Variants in SPMIP2 observed in about 807,000 individuals in gnomAD.
SPMIP2 encodes protein SPMIP2.
chr4:158,996,794 G>A, the SPMIP2 span, among the ~76,000 whole-genome samples: 1 of 152,194 alleles, frequency 6.6e-6, no homozygotes, highest in African/African-American at 2.4e-5. Flanking sequence ...TTAATCAGCA[G>A]GGAAGCCCTT....
chr4:158,970,888 G>A, the SPMIP2 span, among the ~76,000 whole-genome samples: 4 of 152,240 alleles, frequency 2.6e-5, no homozygotes, highest in South Asian at 2.1e-4. Flanking sequence ...GTTTCTGAGC[G>A]TGCCACAGCT....
At chr4:158,969,580 G>C in the SPMIP2 span, among the ~76,000 whole-genome samples, 8 of 152,292 alleles carry the variant, frequency 5.3e-5, no homozygotes, top group South Asian at 1.0e-3. Flanking sequence ...CAACGTGGGG[G>C]AAGATTTTCA....
chr4:159,071,037 T>C, the SPMIP2 span, among the ~76,000 whole-genome samples: 1 of 152,210 alleles, frequency 6.6e-6, no homozygotes, highest in Admixed American at 6.5e-5. Flanking sequence ...TGTTGCCCTG[T>C]GGATTGGTTC....
chr4:159,070,045 A>G, the SPMIP2 span, among the ~76,000 whole-genome samples: 1 of 151,286 alleles, frequency 6.6e-6, no homozygotes. Context: ...GAGGTGGTAC[A>G]CTTTTTTTTT....
the SPMIP2 span, among the ~76,000 whole-genome samples, chr4:159,046,481 C>G: frequency 6.6e-6 from 1 of 152,172 alleles, no homozygotes. Flanking sequence ...CTCAGCAGCA[C>G]TGGGAGTATT....
the SPMIP2 span, among the ~76,000 whole-genome samples, chr4:159,009,848 C>A: frequency 6.6e-6 from 1 of 152,014 alleles, no homozygotes; most frequent in Non-Finnish European, 1.5e-5. Context: ...TAGCCCGACA[C>A]AGTGGTGTAC....
At chr4:159,032,621 AC>A in the SPMIP2 span, among the ~76,000 whole-genome samples, 1 of 152,158 alleles carries the variant, frequency 6.6e-6, no homozygotes, top group Non-Finnish European at 1.5e-5. Context: ...AGAAAACCCA[AC>A]CCAAACTGGC....
At chr4:158,953,458 G>A in the SPMIP2 span, among the ~76,000 whole-genome samples, 1 of 152,218 alleles carries the variant, frequency 6.6e-6, no homozygotes, top group African/African-American at 2.4e-5. Flanking sequence ...AAACTCCCAG[G>A]CAGAAGTTTT....
At chr4:159,020,103 G>C in the SPMIP2 span, among the ~76,000 whole-genome samples, 2 of 150,974 alleles carry the variant, frequency 1.3e-5, no homozygotes, top group Non-Finnish European at 2.9e-5. Context: ...CTGGGCAACA[G>C]AGCCAGACTC....
the SPMIP2 span, among the ~76,000 whole-genome samples, chr4:158,992,975 T>A: frequency 6.6e-6 from 1 of 152,140 alleles, no homozygotes; most frequent in Non-Finnish European, 1.5e-5. Context: ...AAGCTCTTAG[T>A]TTTAGAAGGT....
the SPMIP2 span, among the ~76,000 whole-genome samples, chr4:159,014,169 C>T: frequency 6.6e-6 from 1 of 152,056 alleles, no homozygotes; most frequent in Non-Finnish European, 1.5e-5. Flanking sequence ...AATATGCAGC[C>T]CAGGGCCAGG....
At chr4:158,939,474 T>A in the SPMIP2 span, among the ~76,000 whole-genome samples, 1 of 152,194 alleles carries the variant, frequency 6.6e-6, no homozygotes, top group East Asian at 1.9e-4. Context: ...TTAACATACA[T>A]TTCTCCTAAA....
the SPMIP2 span, among the ~76,000 whole-genome samples, chr4:159,035,639 C>T: frequency 6.6e-6 from 1 of 152,152 alleles, no homozygotes; most frequent in Admixed American, 6.5e-5. Context: ...GTCTCATATT[C>T]CAATCCCTCC....
chr4:158,984,412 C>A, the SPMIP2 span, among the ~76,000 whole-genome samples: 12 of 150,056 alleles, frequency 8.0e-5, no homozygotes, highest in African/African-American at 2.7e-4. Context: ...TGTAAAAGAA[C>A]AGAAATTATA....
At chr4:158,979,789 G>GTTTTTTTTTTTTTT in the SPMIP2 span, among the ~76,000 whole-genome samples, 4 of 104,512 alleles carry the variant, frequency 3.8e-5, no homozygotes, top group African/African-American at 1.7e-4. Context: ...AGTTGCAAGA[G>GTTTTTTTTTTTTTT]TTTTTTTTTT....
chr4:159,057,680 T>C, the SPMIP2 span, among the ~76,000 whole-genome samples: 1 of 152,190 alleles, frequency 6.6e-6, no homozygotes, highest in Non-Finnish European at 1.5e-5. Context: ...ATAAATGGCA[T>C]GTTTACCAAA....
the SPMIP2 span, among the ~76,000 whole-genome samples, chr4:159,001,302 A>G: frequency 9.4e-4 from 143 of 152,144 alleles, no homozygotes; most frequent in African/African-American, 3.4e-3. Context: ...AAAGTGTTCA[A>G]ATCTTTTGCC....
At chr4:158,960,716 A>T in the SPMIP2 span, among the ~76,000 whole-genome samples, 9 of 152,236 alleles carry the variant, frequency 5.9e-5, no homozygotes, top group Non-Finnish European at 1.0e-4. Context: ...TTTTCACTTT[A>T]CTTTCTCCTT....
the SPMIP2 span, among the ~76,000 whole-genome samples, chr4:159,020,761 T>C: frequency 1.3e-5 from 2 of 152,088 alleles, no homozygotes; most frequent in East Asian, 1.9e-4. Flanking sequence ...TTGTCGTTGT[T>C]GTTGTTGTTT....
Sources: gnomAD v4.1 joint callset for allele counts (sites outside exome capture counted in the v4.1 genomes callset) on GRCh38, gnomAD v4.1.1 for gene constraint, MANE v1.5 for transcripts, NCBI Gene and HGNC (gene_info 2026-07-23, HGNC 2026-07-21) for gene names.